Variants in LRBA observed in about 807,000 individuals in gnomAD.
LRBA encodes LPS responsive beige-like anchor protein, also known as lipopolysaccharide-responsive and beige-like anchor protein.
A neutral mutation model predicts 330.0 loss-of-function variants in LRBA; 176 were observed. The ratio of observed to expected loss-of-function variants is 0.53; its 90% confidence interval spans 0.47 to 0.60. The LOEUF (loss-of-function observed/expected upper bound fraction) is 0.60, where lower values mean the gene tolerates loss of function less well. LRBA is among the 20% of genes least tolerant of loss of function. The pLI, the probability that LRBA is intolerant of heterozygous loss-of-function variation, is 0.00. For synonymous variants in LRBA, 1,230 were observed against 1,193.0 expected (o/e 1.03, Z -0.64); for missense variants, 3,259 against 3,444.8 (o/e 0.95, Z 1.35).
intron 34 of LRBA, among the ~76,000 whole-genome samples, chr4:150,793,621 G>C (rs1294126270): frequency 6.6e-6 from 1 of 152,120 alleles, no homozygotes; most frequent in Admixed American, 6.6e-5. Context: ...AAAACACAGT[G>C]CTTGTCTTCA....
intron 39 of LRBA, among the ~76,000 whole-genome samples, chr4:150,588,385 A>G (rs1298610150): frequency 4.6e-5 from 7 of 152,346 alleles, no homozygotes; most frequent in East Asian, 1.9e-4. Context: ...TACAAGATCT[A>G]TAACAGGCGG....
At chr4:150,868,994 T>C (rs1229457654) in intron 20 of LRBA, among the ~76,000 whole-genome samples, 1 of 152,146 alleles carries the variant, frequency 6.6e-6, no homozygotes, top group Non-Finnish European at 1.5e-5. Context: ...CAGAAAAATA[T>C]AATAAATTCT....
At chr4:150,774,236 ACT>A (rs1736963462) in intron 34 of LRBA, among the ~76,000 whole-genome samples, 1 of 152,150 alleles carries the variant, frequency 6.6e-6, no homozygotes, top group African/African-American at 2.4e-5. Context: ...TGACCAGAGG[ACT>A]CTGTGACTAT....
At chr4:150,465,644 T>C (rs777085394) in intron 44 of LRBA, among the ~76,000 whole-genome samples, 51 of 152,170 alleles carry the variant, frequency 3.4e-4, no homozygotes, top group Non-Finnish European at 7.5e-4. Context: ...TGGCCACTTG[T>C]ATATCCTCTT....
intron 2 of LRBA, among the ~76,000 whole-genome samples, chr4:150,993,700 T>C (rs1251139750): frequency 2.0e-5 from 3 of 152,032 alleles, no homozygotes; most frequent in African/African-American, 7.2e-5. Flanking sequence ...AAGAGGAAGA[T>C]GCAAAAGCAG....
intron 42 of LRBA, among the ~76,000 whole-genome samples, chr4:150,474,218 T>TA (rs1329076567): frequency 6.6e-6 from 1 of 152,188 alleles, no homozygotes; most frequent in African/African-American, 2.4e-5. Flanking sequence ...ACCAATTGTT[T>TA]AAAGCCTATC....
intron 47 of LRBA, among the ~76,000 whole-genome samples, chr4:150,357,148 G>C (rs1041339390): frequency 3.3e-5 from 5 of 152,026 alleles, no homozygotes; most frequent in African/African-American, 4.8e-5. Context: ...GGGCAGAAGA[G>C]ATATTTTGAG....
At chr4:150,990,479 G>A (rs1333559255) in intron 2 of LRBA, among the ~76,000 whole-genome samples, 2 of 152,046 alleles carry the variant, frequency 1.3e-5, no homozygotes, top group East Asian at 1.9e-4. Flanking sequence ...TGTAATCCCA[G>A]CACTTTAGGA....
chr4:150,782,844 C>G (rs1239938089), intron 34 of LRBA, among the ~76,000 whole-genome samples: 3 of 151,976 alleles, frequency 2.0e-5, no homozygotes, highest in African/African-American at 7.3e-5. Context: ...GTGAACCTTA[C>G]CAGCAAGTGC....
chr4:150,600,524 C>G (rs182568194), intron 37 of LRBA, among the ~76,000 whole-genome samples: 61 of 152,166 alleles, frequency 4.0e-4, no homozygotes, highest in African/African-American at 1.4e-3. Context: ...ACAGTAGAGA[C>G]TGATCTCTGA....
chr4:150,393,400 CA>C (rs1744281344), intron 47 of LRBA, among the ~76,000 whole-genome samples: 1 of 151,544 alleles, frequency 6.6e-6, no homozygotes, highest in African/African-American at 2.4e-5. Flanking sequence ...TTCTCCCCCC[CA>C]CCTCTACAAT....
At chr4:150,501,193 T>G (rs980653291) in intron 40 of LRBA, among the ~76,000 whole-genome samples, 3 of 152,204 alleles carry the variant, frequency 2.0e-5, no homozygotes, top group Non-Finnish European at 4.4e-5. Flanking sequence ...AGATTGGAGT[T>G]CATACTTTAA....
chr4:150,854,096 T>C (rs1240423838), intron 22 of LRBA, among the ~76,000 whole-genome samples: 6 of 152,086 alleles, frequency 3.9e-5, no homozygotes, highest in Admixed American at 3.9e-4. Flanking sequence ...ATGCAAAAAT[T>C]TCCTTCTATC....
chr4:150,468,034 C>G (rs1755647770), intron 43 of LRBA, among the ~76,000 whole-genome samples: 1 of 151,966 alleles, frequency 6.6e-6, no homozygotes, highest in African/African-American at 2.4e-5. Context: ...TAGTAATGGT[C>G]AAACCATATT....
At chr4:150,635,706 T>A (rs942632230) in intron 37 of LRBA, among the ~76,000 whole-genome samples, 4 of 152,188 alleles carry the variant, frequency 2.6e-5, no homozygotes, top group African/African-American at 7.2e-5. Context: ...TTGTTCTACA[T>A]AATAATAATA....
chr4:150,585,818 GA>G (rs1772042846), intron 40 of LRBA, among the ~76,000 whole-genome samples: 1 of 152,188 alleles, frequency 6.6e-6, no homozygotes, highest in Admixed American at 6.6e-5. Flanking sequence ...AGAAGTTTGA[GA>G]GGGGGAAGGG....
At chr4:150,606,778 T>C (rs1381505567) in intron 37 of LRBA, among the ~76,000 whole-genome samples, 1 of 152,236 alleles carries the variant, frequency 6.6e-6, no homozygotes, top group African/African-American at 2.4e-5. Context: ...CTATTATAGC[T>C]ATGATCAAAG....
At chr4:150,818,946 T>C (rs941042875) in intron 30 of LRBA, among the ~76,000 whole-genome samples, 1 of 152,038 alleles carries the variant, frequency 6.6e-6, no homozygotes, top group Non-Finnish European at 1.5e-5. Flanking sequence ...CCACAAAACA[T>C]GTATACAGTA....
chr4:151,002,084 C>T (rs1039618540), intron 2 of LRBA, among the ~76,000 whole-genome samples: 5 of 150,408 alleles, frequency 3.3e-5, no homozygotes, highest in Non-Finnish European at 7.4e-5. Context: ...ATCATAGATA[C>T]GTCTTCAAAT....
Sources: allele counts gnomAD v4.1 joint callset (sites outside exome capture counted in the v4.1 genomes callset), GRCh38; gene constraint gnomAD v4.1.1; transcripts MANE v1.5; gene names NCBI Gene and HGNC (gene_info 2026-07-23, HGNC 2026-07-21).